Variants in CYTH3 observed in about 807,000 individuals in gnomAD.
The protein encoded by CYTH3 is cytohesin 3.
A neutral mutation model predicts 55.1 loss-of-function variants in CYTH3; 23 were observed. That is an observed-to-expected ratio of 0.42 (90% CI 0.30 to 0.59). The LOEUF is 0.59. CYTH3 is among the 20% of genes least tolerant of loss of function. The pLI is 0.20. For synonymous variants in CYTH3, 249 were observed against 194.9 expected, an observed-to-expected ratio of 1.28 and a Z score of -2.31; for missense variants, 413 against 524.8, an observed-to-expected ratio of 0.79 and a Z score of 2.08.
intron 1 of CYTH3, among the ~76,000 whole-genome samples, chr7:6,223,150 G>A (rs1277339859): frequency 7.2e-5 from 11 of 152,110 alleles, no homozygotes. Context: ...CCTCTGCCCG[G>A]CCGCCCCGTC....
rs773668750 is a variant in CYTH3 at position 6,170,510 on chromosome 7, G to A, written c.823+25C>T. On this transcript the variant is annotated intron_variant, in intron 9 of 12. Coordinates refer to ENST00000350796, the MANE Select transcript of CYTH3 (RefSeq NM_004227.4). This position sits in a 1 kb window ranked among gnomAD's most constrained non-coding sequence, Gnocchi z 7.8. The stretch of plus-strand genomic sequence containing the variant: ...TGCCATGGGCAGAGGGGTCACGCCC[G>A]GGTCCCGCTGGGCCGGCGGCTCACC... 8.1e-6 allele frequency: 13 copies of A among 1,608,596 alleles called. No homozygotes were observed. Among genetic ancestry groups the A allele is most frequent in the South Asian group, 6.6e-5 (6 of 90,580 alleles).
chr7:6,202,025 C>T (rs1784068499), intron 1 of CYTH3, among the ~76,000 whole-genome samples: 1 of 152,154 alleles, frequency 6.6e-6, no homozygotes, highest in Non-Finnish European at 1.5e-5. Context: ...AAAACACAGC[C>T]ATGGTATTTT....
intron 1 of CYTH3, among the ~76,000 whole-genome samples, chr7:6,264,610 T>C (rs1371815092): frequency 6.6e-6 from 1 of 152,066 alleles, no homozygotes; most frequent in African/African-American, 2.4e-5. Flanking sequence ...AGACTCCATC[T>C]CAAAAAACTA....
intron 1 of CYTH3, among the ~76,000 whole-genome samples, chr7:6,269,051 G>A (rs1437291148): frequency 6.6e-6 from 1 of 152,138 alleles, no homozygotes. Flanking sequence ...CAGGCCTAAG[G>A]GAAATAACCT....
At chr7:6,204,011 T>G (rs1289487897) in intron 1 of CYTH3, among the ~76,000 whole-genome samples, 1 of 150,610 alleles carries the variant, frequency 6.6e-6, no homozygotes, top group African/African-American at 2.4e-5. Flanking sequence ...GCCACCGCAC[T>G]CAGCTTCATA....
At chr7:6,272,410 G>GGGGGGGGGGGGCCGGCCC in intron 1 of CYTH3, 64 bp downstream of exon 1, 1 of 1,216,618 alleles carries the variant, frequency 8.2e-7, no homozygotes, top group Non-Finnish European at 1.1e-6. Flanking sequence ...CCGCGCCCTC[G>GGGGGGGGGGGGCCGGCCC]ACCCCCAGCC....
Position 6,203,766 on chromosome 7 carries a change from T to C in CYTH3, c.35-13235A>G, listed in dbSNP as rs186826222. The stretch of plus-strand genomic sequence containing the variant: ...CAGAGTCTCGCTCTGTCGCCCAGGC[T>C]GGAATGCAATGGCCCAATCTCGGCT... On this transcript the variant is annotated intron_variant, in intron 1 of 12. Transcript: ENST00000350796. Among the ~76,000 whole-genome samples, 939 of 152,162 alleles carry C rather than the reference T, an allele frequency of 6.2e-3. 6 individuals carry two copies. The highest frequency in any genetic ancestry group is 0.021 in the African/African-American group (890 of 41,508).
At chr7:6,211,853 G>C (rs1380381822) in intron 1 of CYTH3, among the ~76,000 whole-genome samples, 1 of 151,982 alleles carries the variant, frequency 6.6e-6, no homozygotes, top group African/African-American at 2.4e-5. Context: ...AGGTGTGGTG[G>C]CTTGCACTTG....
chr7:6,170,664 A>G lies in CYTH3; in HGVS notation c.712-18T>C, dbSNP rs916877376. The G allele has an allele frequency of 6.2e-7, 1 of 1,610,112 alleles. No individual in the cohort carries two copies. The highest frequency in any genetic ancestry group is 1.7e-5 in the Admixed American group (1 of 59,368). ...TACAAATTCTGCAAGGAGGGAAAAC[A>G]GCAGCCAGTTCAGAGACTCGGAGGA... On this transcript the variant is annotated intron_variant, in intron 8 of 12. Transcript: ENST00000350796. This position sits in a 1 kb window ranked among gnomAD's most constrained non-coding sequence, Gnocchi z 7.8.
chr7:6,253,602 G>A (rs1780027752), intron 1 of CYTH3, among the ~76,000 whole-genome samples: 1 of 151,996 alleles, frequency 6.6e-6, no homozygotes, highest in Non-Finnish European at 1.5e-5. Flanking sequence ...CAGATCACAA[G>A]GTCAGGAGTT....
At chr7:6,174,100 CA>C (rs74980887) in intron 5 of CYTH3, among the ~76,000 whole-genome samples, 1 of 151,700 alleles carries the variant, frequency 6.6e-6, no homozygotes, top group East Asian at 2.0e-4. Flanking sequence ...GAGAGATTTC[CA>C]AAGTATCATT....
chr7:6,216,459 C>G (rs1030120969), intron 1 of CYTH3, among the ~76,000 whole-genome samples: 1 of 151,968 alleles, frequency 6.6e-6, no homozygotes. Context: ...AACATAGAGG[C>G]CAGGTGCAGT....
intron 1 of CYTH3, among the ~76,000 whole-genome samples, chr7:6,250,704 G>T (rs1455138731): frequency 6.6e-6 from 1 of 152,154 alleles, no homozygotes; most frequent in African/African-American, 2.4e-5. Context: ...AGCTAATGGG[G>T]CCCAGGTTCT....
chr7:6,199,198 C>G (rs1784005143), intron 1 of CYTH3, among the ~76,000 whole-genome samples: 1 of 152,230 alleles, frequency 6.6e-6, no homozygotes, highest in Non-Finnish European at 1.5e-5. Flanking sequence ...TAGCCTTCCA[C>G]AAACTTAGAT....
At position 6,184,848 on chromosome 7, in the gene CYTH3, G is replaced by A. The variant is rs114327935; in HGVS notation, c.249+2202C>T. Among the ~76,000 whole-genome samples, 952 of 152,270 alleles carry A rather than the reference G, an allele frequency of 6.3e-3. 7 individuals are homozygous for A. The highest frequency in any genetic ancestry group is 0.022 in the African/African-American group (902 of 41,538). On this transcript the variant is annotated intron_variant, in intron 4 of 12. Coordinates refer to ENST00000350796, the MANE Select transcript of CYTH3 (RefSeq NM_004227.4). The stretch of plus-strand genomic sequence containing the variant: ...CCAACTGGGCCTCCTAAAGTGCTGG[G>A]ATTATACGCGTAAGCCACCGCACCA...
At chr7:6,205,200 C>T (rs1342920991) in intron 1 of CYTH3, among the ~76,000 whole-genome samples, 2 of 151,970 alleles carry the variant, frequency 1.3e-5, no homozygotes, top group African/African-American at 2.4e-5. Flanking sequence ...CAGGAAAACC[C>T]ATTTGTTTGG....
chr7:6,222,909 A>G (rs532003898), intron 1 of CYTH3, among the ~76,000 whole-genome samples: 10 of 152,348 alleles, frequency 6.6e-5, no homozygotes, highest in African/African-American at 2.2e-4. Flanking sequence ...GGCAGTTTCA[A>G]ACAACACTCC....
chr7:6,224,855 A>G (rs1196924199), intron 1 of CYTH3, among the ~76,000 whole-genome samples: 1 of 152,266 alleles, frequency 6.6e-6, no homozygotes, highest in Non-Finnish European at 1.5e-5. Context: ...ATTTCCTGAC[A>G]CTGGGATATT....
chr7:6,209,340 G>A (rs573535448), intron 1 of CYTH3, among the ~76,000 whole-genome samples: 16 of 152,298 alleles, frequency 1.1e-4, no homozygotes, highest in African/African-American at 3.6e-4. Context: ...GATCTTGAAC[G>A]ATGAATATGT....
Sources: gnomAD v4.1 joint callset for allele counts (sites outside exome capture counted in the v4.1 genomes callset) on GRCh38, gnomAD v4.1.1 for gene constraint, Gnocchi (gnomAD v3.1) non-coding constraint, MANE v1.5 for transcripts, NCBI Gene and HGNC (gene_info 2026-07-23, HGNC 2026-07-21) for gene names.